The following ABCC3 variants were observed in gnomAD, a reference collection of about 807,000 sequenced individuals.
ABCC3 encodes the protein ATP binding cassette subfamily C member 3.
In ABCC3, 121 loss-of-function variants were observed where a neutral mutation model predicts 165.3. That is an observed-to-expected ratio of 0.73 (90% CI 0.63 to 0.85). The LOEUF (loss-of-function observed/expected upper bound fraction) is 0.85. ABCC3 is among the 40% of genes least tolerant of loss of function. The pLI is 0.00. For synonymous variants in ABCC3, 733 were observed against 810.1 expected, an observed-to-expected ratio of 0.90 and a Z score of 1.62; for missense variants, 1,869 against 1,964.1, an observed-to-expected ratio of 0.95 and a Z score of 0.92.
chr17:50,689,719 C>T (rs1176100993), intron 30 of ABCC3, among the ~76,000 whole-genome samples: 1 of 152,156 alleles, frequency 6.6e-6, no homozygotes, highest in Non-Finnish European at 1.5e-5. Context: ...CTCCTACCCT[C>T]ACCCCCCACT....
chr17:50,664,256 A>G, intron 10 of ABCC3, 145 bp downstream of exon 10: 2 of 1,155,866 alleles, frequency 1.7e-6, no homozygotes, highest in Non-Finnish European at 2.4e-6. Context: ...ACTTGAGCCC[A>G]AGAGTTCTGG....
Position 50,666,368 on chromosome 17 carries a change from G to A in ABCC3, c.1431+1123G>A, listed in dbSNP as rs548384226. 5.9e-5 allele frequency among the ~76,000 whole-genome samples: 9 copies of A among 152,310 alleles called. No individual in the cohort carries two copies. In the South Asian group the frequency reaches 1.9e-3, roughly 32 times the overall value. ...TGCCTGTAATCCCAGCTACTCTGGAGTCTGAGGCAGGAGAATCCCTTGAAT... is the reference window on the plus strand; with the variant it reads ...TGCCTGTAATCCCAGCTACTCTGGAATCTGAGGCAGGAGAATCCCTTGAAT... On this transcript the variant is annotated intron_variant, in intron 11 of 30. Transcript: ENST00000285238.
rs1468229546 is a variant in ABCC3 at position 50,663,971 on chromosome 17, G to A, written c.1198G>A (p.Val400Ile). The A allele has an allele frequency of 6.2e-7, 1 of 1,614,194 alleles. No homozygotes were observed. Among genetic ancestry groups the A allele is most frequent in the Middle Eastern group, 1.6e-4 (1 of 6,062 alleles). Reference sequence around the variant, plus strand: ...GCAGGCTCTGGTTATCACCAACTCAGTCAAACGTGCGTCCACTGTGGGGGA... The same window carrying A: ...GCAGGCTCTGGTTATCACCAACTCAATCAAACGTGCGTCCACTGTGGGGGA... ...YRKALVITNS[V>I]KRASTVGEIV... Residue 400 changes from valine (V) to isoleucine (I), a missense_variant, in exon 10 of 31, where the codon GTC becomes ATC. Physicochemically the swap from Val to Ile is conservative, Grantham distance 29 (BLOSUM62 3). Transcript: ENST00000285238.
intron 14 of ABCC3, 83 bp from the exon 15 acceptor site, chr17:50,668,770 C>T: frequency 4.9e-6 from 6 of 1,218,126 alleles, no homozygotes; most frequent in Non-Finnish European, 6.0e-6. Flanking sequence ...CCCTGTCCTC[C>T]TTTCCCCTGC....
Position 50,677,777 on chromosome 17 carries a change from C to A in ABCC3, c.3412C>A (p.Arg1138=). 11 of 1,614,084 alleles carry A rather than the reference C, an allele frequency of 6.8e-6. No homozygotes were observed. The highest frequency in any genetic ancestry group is 9.3e-6 in the Non-Finnish European group (11 of 1,180,024). ...TGCAGCCACATCACGGCAACTGAAG[C>A]GGCTGGAATCAGTCAGCCGCTCACC... ...FYAATSRQLK[R]LESVSRSPIY... Residue 1138 remains arginine, a synonymous_variant, in exon 24 of 31, where the codon CGG becomes AGG. Transcript: ENST00000285238.
chr17:50,675,725 G>A lies in ABCC3; in HGVS notation c.2809G>A (p.Ala937Thr). The stretch of plus-strand genomic sequence containing the variant: ...ATCAGAGAAGGTGCAGGTGACAGAG[G>A]CGAAGGCAGATGGGGCACTGACCCA... ...GPSEKVQVTEAKADGALTQEE... is the reference protein window; with the variant it reads ...GPSEKVQVTETKADGALTQEE... Residue 937 changes from alanine (A) to threonine (T), a missense_variant, in exon 21 of 31, where the codon GCG becomes ACG. Ala to Thr is a moderately conservative substitution (Grantham distance 58). Coordinates refer to ENST00000285238, the MANE Select transcript of ABCC3 (RefSeq NM_003786.4). 2 of 1,564,364 alleles carry A rather than the reference G, an allele frequency of 1.3e-6. No homozygotes were observed. The highest frequency in any genetic ancestry group is 1.7e-6 in the Non-Finnish European group (2 of 1,154,168).
At chr17:50,668,129 G>A (rs1567833154) in intron 13 of ABCC3, 120 bp downstream of exon 13, 11 of 891,826 alleles carry the variant, frequency 1.2e-5, no homozygotes, top group Non-Finnish European at 1.0e-5. Context: ...AAGGTTGCTA[G>A]CATTATGAAG....
In ABCC3 at chr17:50,675,947, G is replaced by A. The variant is rs1967793658; in HGVS notation, c.2924G>A (p.Cys975Tyr). 6.2e-7 allele frequency: 1 copy of A among 1,614,170 alleles called. No homozygotes were observed. Among genetic ancestry groups the A allele is most frequent in the Non-Finnish European group, 8.5e-7 (1 of 1,180,038 alleles). Residue 975 changes from cysteine (C) to tyrosine (Y), a missense_variant, in exon 22 of 31, where the codon TGT (cysteine) becomes TAT (tyrosine). Coordinates refer to ENST00000285238, the MANE Select transcript of ABCC3 (RefSeq NM_003786.4). ...AVGLCTTLAI[C>Y]LLYVGQSAAA... ...GGGCTCTGTACCACGCTGGCCATCT[G>A]TCTCCTGTATGTGGGTCAAAGTGCG... is the stretch of plus-strand genomic sequence containing the variant.
At position 50,643,299 on chromosome 17, in the gene ABCC3, C is replaced by A. The variant is rs538348755; in HGVS notation, c.45+8318C>A. Among the ~76,000 whole-genome samples the A allele has an allele frequency of 2.0e-4, 30 of 152,338 alleles. No homozygotes were observed. In the East Asian group the frequency reaches 4.6e-3, roughly 23 times the overall value. ...CAGGCCTAGAGGTGTGTCCTGTGAC[C>A]CAGTGTCCAGGCCTGGGCCAGCATG... On this transcript the variant is annotated intron_variant, in intron 1 of 30. Coordinates refer to ENST00000285238, the MANE Select transcript of ABCC3 (RefSeq NM_003786.4).
At position 50,655,845 on chromosome 17, in the gene ABCC3, C is replaced by T. The variant is rs1302846619; in HGVS notation, c.59C>T (p.Ser20Phe). The T allele has an allele frequency of 1.2e-6, 2 of 1,614,048 alleles. No homozygotes were observed. Among genetic ancestry groups the T allele is most frequent in the Non-Finnish European group, 1.7e-6 (2 of 1,179,954 alleles). ...CTGTGTCCCCAGGACTCCAACCTGT[C>T]TGTGCACACAGAAAACCCGGACCTC... Reference protein sequence around the residue: ...LGSKFWDSNLSVHTENPDLTP... With the variant: ...LGSKFWDSNLFVHTENPDLTP... Residue 20 changes from serine to phenylalanine, a missense_variant, in exon 2 of 31, where the codon TCT becomes TTT. By Grantham distance (155) the Ser-to-Phe change is radical (BLOSUM62 -2). Coordinates refer to ENST00000285238, the MANE Select transcript of ABCC3 (RefSeq NM_003786.4).
At chr17:50,690,074 T>C (rs573236074) in intron 30 of ABCC3, among the ~76,000 whole-genome samples, 1 of 152,068 alleles carries the variant, frequency 6.6e-6, no homozygotes, top group South Asian at 2.1e-4. Flanking sequence ...CCTGAAAGAA[T>C]GAGTAAGAGT....
At chr17:50,686,299 C>G (rs1968020568) in intron 29 of ABCC3, among the ~76,000 whole-genome samples, 1 of 152,192 alleles carries the variant, frequency 6.6e-6, no homozygotes, top group African/African-American at 2.4e-5. Flanking sequence ...CAGAAACGAG[C>G]CTCCACGGTT....
chr17:50,688,256 C>T (rs554613839), intron 30 of ABCC3, among the ~76,000 whole-genome samples: 2 of 152,318 alleles, frequency 1.3e-5, no homozygotes, highest in East Asian at 3.9e-4. Context: ...CACTGGGCTC[C>T]ACAGGCACTG....
chr17:50,659,355 A>G lies in ABCC3; in HGVS notation c.793A>G (p.Lys265Glu). ...QLLEAWRKQE[K>E]QTARHKASAA... ...GCTGGAGGCATGGAGGAAGCAGGAA[A>G]AGCAGACGGCACGGTGAGGCCCTCC... The change falls in exon 7 of 31, where the codon AAG becomes GAG. Residue 265 changes from lysine (K) to glutamate (E), a missense_variant. Transcript: ENST00000285238. The G allele has an allele frequency of 6.2e-7, 1 of 1,610,066 alleles. No homozygotes were observed. The highest frequency in any genetic ancestry group is 1.1e-5 in the South Asian group (1 of 90,974).
Position 50,669,222 on chromosome 17 carries a change from C to G in ABCC3, c.2020C>G (p.Leu674Val). 6.2e-7 allele frequency: 1 copy of G among 1,613,570 alleles called. No individual in the cohort carries two copies. The highest frequency in any genetic ancestry group is 8.5e-7 in the Non-Finnish European group (1 of 1,179,826). ...GCGKSSLVSALLGEMEKLEGK... is the reference protein window; with the variant it reads ...GCGKSSLVSAVLGEMEKLEGK... ...TGGGAAGTCCTCCCTGGTGTCTGCC[C>G]TGCTGGGAGAGATGGAGAAGCTAGA... Residue 674 changes from leucine to valine, a missense_variant, in exon 16 of 31, where the codon CTG becomes GTG. Physicochemically the swap from Leu to Val is conservative, Grantham distance 32. Coordinates refer to ENST00000285238, the MANE Select transcript of ABCC3 (RefSeq NM_003786.4).
intron 6 of ABCC3, 25 bp from the exon 7 acceptor site, chr17:50,659,212 C>T (rs1211980546): frequency 2.4e-5 from 38 of 1,611,910 alleles, no homozygotes; most frequent in Non-Finnish European, 3.2e-5. Context: ...TGCGGGGCTG[C>T]CTGCCGGGCT....
chr17:50,665,192 G>A lies in ABCC3; in HGVS notation c.1378G>A (p.Val460Ile), dbSNP rs751200868. 9 of 1,614,040 alleles carry A rather than the reference G, an allele frequency of 5.6e-6. No homozygotes were observed. In the African/African-American group the frequency reaches 1.1e-4, roughly 19 times the overall value. ...TGTCCTGGCTGGAGTCGCTTTCATGGTCTTGCTGATTCCACTCAACGGAGC... is the reference window on the plus strand; with the variant it reads ...TGTCCTGGCTGGAGTCGCTTTCATGATCTTGCTGATTCCACTCAACGGAGC... The part of the protein sequence containing the change: ...PSVLAGVAFM[V>I]LLIPLNGAVA... Residue 460 changes from valine (V) to isoleucine (I), a missense_variant, in exon 11 of 31, where the codon GTC (valine) becomes ATC (isoleucine). By Grantham distance (29) the Val-to-Ile change is conservative. Coordinates refer to ENST00000285238, the MANE Select transcript of ABCC3 (RefSeq NM_003786.4).
At chr17:50,658,643 G>A in intron 6 of ABCC3, 147 bp downstream of exon 6, 1 of 902,832 alleles carries the variant, frequency 1.1e-6, no homozygotes, top group Non-Finnish European at 1.8e-6. Flanking sequence ...GATGAGGGTA[G>A]GGAAGTGGTC....
rs1348622978 is a variant in ABCC3 at position 50,673,976 on chromosome 17, CTT to C, written c.2599+320_2599+321del. 7.4e-3 allele frequency among the ~76,000 whole-genome samples: 90 copies of C among 12,174 alleles called. 13 individuals carry two copies. Among genetic ancestry groups the C allele is most frequent in the Middle Eastern group, 0.028 (1 of 36 alleles). The allele number at this position is 12,174 out of a possible 152,430, so 8.0% of individuals were successfully genotyped here. ...TCTTTCTTTCTTTCTTTCTTTCTTT[CTT>C]TCTCTCTCTCTCTCTCTCTCTCTCT... On this transcript the variant is annotated intron_variant, in intron 19 of 30. Transcript: ENST00000285238.
Sources: allele counts gnomAD v4.1 joint callset (sites outside exome capture counted in the v4.1 genomes callset), GRCh38; gene constraint gnomAD v4.1.1; transcripts MANE v1.5; gene names NCBI Gene and HGNC (gene_info 2026-07-23, HGNC 2026-07-21).